Variants in DNAH2 observed in about 807,000 individuals in gnomAD.
The protein encoded by DNAH2 is dynein axonemal heavy chain 2.
A neutral mutation model predicts 523.5 loss-of-function variants in DNAH2; 323 were observed. That is an observed-to-expected ratio of 0.62 (90% CI 0.56 to 0.68). The LOEUF (loss-of-function observed/expected upper bound fraction) is 0.68. Ranked by LOEUF, DNAH2 falls within the 30% of genes least tolerant of loss-of-function variation. The pLI is 0.00. For missense variants in DNAH2, 4,907 were observed against 5,701.5 expected, an observed-to-expected ratio of 0.86 and a Z score of 4.49; for synonymous variants, 2,093 against 2,177.4, an observed-to-expected ratio of 0.96 and a Z score of 1.08.
chr17:7,815,473 G>T (rs1353003306), intron 63 of DNAH2, among the ~76,000 whole-genome samples: 1 of 152,152 alleles, frequency 6.6e-6, no homozygotes, highest in Non-Finnish European at 1.5e-5. Context: ...CACAACTGCT[G>T]TTGGGTGGTC....
chr17:7,728,328 A>C (rs968932130), intron 4 of DNAH2, among the ~76,000 whole-genome samples: 1 of 152,134 alleles, frequency 6.6e-6, no homozygotes, highest in Non-Finnish European at 1.5e-5. Context: ...AATGTTGGAA[A>C]ACTTAAAAGG....
At chr17:7,730,886 G>A (rs1261602532) in intron 4 of DNAH2, among the ~76,000 whole-genome samples, 6 of 152,198 alleles carry the variant, frequency 3.9e-5, no homozygotes, top group South Asian at 2.1e-4. Context: ...AGGCCAAGGC[G>A]GGTGGATTGC....
Position 7,734,836 on chromosome 17 carries a change from C to T in DNAH2, c.978+128C>T, listed in dbSNP as rs761761112. 4.1e-4 allele frequency: 367 copies of T among 889,778 alleles called. 1 individual carries two copies. Among genetic ancestry groups the T allele is most frequent in the Middle Eastern group, 6.6e-4 (2 of 3,022 alleles). The allele number at this position is 889,778 out of a possible 1,614,324, so 55.1% of individuals were successfully genotyped here. A position where few individuals can be genotyped will look rare whatever the true frequency, so the allele number is the denominator to read the frequency against. ...AGCACAGACTGACCCACCCAGGGTT[C>T]GGCCTTGTACTTGCAGGAGAGTATA... On this transcript the variant is annotated intron_variant, in intron 7 of 85. Coordinates refer to ENST00000572933, the MANE Select transcript of DNAH2 (RefSeq NM_020877.5).
At position 7,786,191 on chromosome 17, in the gene DNAH2, A is replaced by G. The variant is rs200729459; in HGVS notation, c.6197A>G (p.Lys2066Arg). The change falls in exon 40 of 86, where the codon AAG becomes AGG. Residue 2066 changes from lysine (K) to arginine (R), a missense_variant. By Grantham distance (26) the Lys-to-Arg change is conservative. Around this residue, in one of 3 missense-constraint regions of DNAH2, gnomAD observed 2,806 missense variants for 3,190.8 expected, o/e 0.88. Transcript: ENST00000572933. This position sits in a 1 kb window ranked among gnomAD's most constrained non-coding sequence, Gnocchi z 7.5. ...GLQSTPFTLT[K>R]VFQLYETKNS... is the part of the protein sequence containing the mutation. Reference sequence around the variant, plus strand: ...CAAAGCACGCCGTTCACCCTCACCAAGGTTTTCCAGTTGTATGAAACCAAG... The same window carrying G: ...CAAAGCACGCCGTTCACCCTCACCAGGGTTTTCCAGTTGTATGAAACCAAG... 3.7e-6 allele frequency: 6 copies of G among 1,613,656 alleles called. No homozygotes were observed. Among genetic ancestry groups the G allele is most frequent in the East Asian group, 2.2e-5 (1 of 44,850 alleles).
intron 44 of DNAH2, among the ~76,000 whole-genome samples, chr17:7,790,597 A>G (rs1481611438): frequency 1.3e-5 from 2 of 152,226 alleles, no homozygotes; most frequent in African/African-American, 4.8e-5. Context: ...ATAATTTTTC[A>G]TATAAAGCTA....
intron 11 of DNAH2, 43 bp from the exon 12 acceptor site, chr17:7,742,885 A>AAAG: frequency 2.2e-6 from 3 of 1,390,094 alleles, no homozygotes; most frequent in South Asian, 4.1e-5. Flanking sequence ...CCCTGGAGGA[A>AAAG]GGTGGCAGGC....
In DNAH2 at chr17:7,779,365, T is replaced by A. The variant is rs2076542990; in HGVS notation, c.5664T>A (p.Phe1888Leu). Reference sequence around the variant, plus strand: ...CTGCCGGCCTCACCCATTTCCATTTTGATGGCTTTGAAATAAATCTGGTGT... The same window carrying A: ...CTGCCGGCCTCACCCATTTCCATTTAGATGGCTTTGAAATAAATCTGGTGT... The part of the protein sequence containing the change: ...ALAAGLTHFH[F>L]DGFEINLVWS... Residue 1888 changes from phenylalanine to leucine, a missense_variant, in exon 36 of 86, where the codon TTT becomes TTA. Phe to Leu is a conservative substitution (Grantham distance 22). This residue lies in a region of DNAH2 where 2,806 missense variants were observed against 3,190.8 expected (regional missense o/e 0.88). Transcript: ENST00000572933. The A allele has an allele frequency of 6.2e-7, 1 of 1,614,110 alleles. No individual in the cohort carries two copies. The highest frequency in any genetic ancestry group is 8.5e-7 in the Non-Finnish European group (1 of 1,180,000).
chr17:7,729,617 A>G (rs1289108357), intron 4 of DNAH2, among the ~76,000 whole-genome samples: 1 of 152,044 alleles, frequency 6.6e-6, no homozygotes, highest in Non-Finnish European at 1.5e-5. Context: ...TTTAGTAGAG[A>G]TGGGGTTTCT....
intron 20 of DNAH2, 120 bp downstream of exon 20, chr17:7,764,393 A>G: frequency 8.1e-7 from 1 of 1,234,060 alleles, no homozygotes; most frequent in East Asian, 2.4e-5. Context: ...TCTAGATTTG[A>G]AAGCCAAAGC....
In DNAH2 at chr17:7,787,587, T is replaced by G. The variant is rs143965480; in HGVS notation, c.6604-273T>G. 1,219 of 332,704 alleles carry G rather than the reference T, an allele frequency of 3.7e-3. 9 individuals are homozygous for G. Among genetic ancestry groups the G allele is most frequent in the Middle Eastern group, 0.017 (18 of 1,072 alleles). The allele number at this position is 332,704 out of a possible 1,614,324, so 20.6% of individuals were successfully genotyped here. ...CCATCTCTACTAAAAAATACAAAAG[T>G]TAGCTGGGTGTGGTGTTGTGCACCT... On this transcript the variant is annotated intron_variant, in intron 42 of 85. Coordinates refer to ENST00000572933, the MANE Select transcript of DNAH2 (RefSeq NM_020877.5).
chr17:7,798,811 C>A lies in DNAH2; in HGVS notation c.8559+93C>A. On this transcript the variant is annotated intron_variant, in intron 55 of 85. Transcript: ENST00000572933. The surrounding 1 kb of genome is among the most constrained non-coding windows in gnomAD (Gnocchi z 5.5). ...CAGCTCCCAGAATGTGCCACTGGCACACCCCCACTGCCACACCCCCACTGC... is the reference window on the plus strand; with the variant it reads ...CAGCTCCCAGAATGTGCCACTGGCAAACCCCCACTGCCACACCCCCACTGC... The A allele has an allele frequency of 1.3e-6, 1 of 777,178 alleles. No homozygotes were observed. 48.1% of individuals were successfully genotyped at this position (777,178 alleles called of 1,614,324 possible).
chr17:7,799,822 T>TACACAC (rs143959847), intron 56 of DNAH2, among the ~76,000 whole-genome samples: 2 of 150,408 alleles, frequency 1.3e-5, no homozygotes, highest in African/African-American at 2.4e-5. Flanking sequence ...TGTCTCAAAA[T>TACACAC]ACACACACAC....
At chr17:7,728,727 G>A (rs987924194) in intron 4 of DNAH2, among the ~76,000 whole-genome samples, 8 of 152,188 alleles carry the variant, frequency 5.3e-5, no homozygotes, top group Admixed American at 2.0e-4. Context: ...GCTCATGCCT[G>A]TAATCCTAGC....
At chr17:7,759,963 A>G in intron 17 of DNAH2, 25 bp downstream of exon 17, 1 of 1,614,126 alleles carries the variant, frequency 6.2e-7, no homozygotes, top group South Asian at 1.1e-5. Context: ...GGGAGGGCAC[A>G]AGGCACAGGG....
intron 77 of DNAH2, 92 bp from the exon 78 acceptor site, chr17:7,830,208 A>C: frequency 7.2e-7 from 1 of 1,382,516 alleles, no homozygotes; most frequent in Non-Finnish European, 9.9e-7. Context: ...GCCTTTGTGC[A>C]ATGAAGAACC....
At chr17:7,741,733 C>T (rs1221853521) in intron 11 of DNAH2, among the ~76,000 whole-genome samples, 2 of 150,172 alleles carry the variant, frequency 1.3e-5, no homozygotes, top group South Asian at 2.1e-4. Flanking sequence ...GGTGTGATCT[C>T]GGCTCACCGC....
chr17:7,742,889 G>A (rs1347685333), intron 11 of DNAH2, 39 bp from the exon 12 acceptor site: 3 of 1,406,144 alleles, frequency 2.1e-6, no homozygotes, highest in Admixed American at 2.9e-5. Flanking sequence ...GGAGGAAGGT[G>A]GCAGGCCGAC....
intron 49 of DNAH2, among the ~76,000 whole-genome samples, chr17:7,794,752 CTTTTT>C (rs764592403): frequency 4.8e-5 from 6 of 125,260 alleles, no homozygotes; most frequent in Non-Finnish European, 1.7e-5. Flanking sequence ...TTAACACTTC[CTTTTT>C]TTTTTTTTTT....
intron 58 of DNAH2, among the ~76,000 whole-genome samples, chr17:7,802,936 G>C (rs137923736): frequency 2.0e-5 from 3 of 151,640 alleles, no homozygotes; most frequent in African/African-American, 7.3e-5. Context: ...GCCTCCCAAA[G>C]TGCTGGGATT....
Sources: gnomAD v4.1 joint callset for allele counts (sites outside exome capture counted in the v4.1 genomes callset) on GRCh38, gnomAD v4.1.1 for gene constraint, gnomAD v4.1.1 regional missense constraint, Gnocchi (gnomAD v3.1) non-coding constraint, MANE v1.5 for transcripts, NCBI Gene and HGNC (gene_info 2026-07-23, HGNC 2026-07-21) for gene names.